The following CEP57 variants were observed in gnomAD, a reference collection of about 807,000 sequenced individuals.
CEP57 encodes centrosomal protein 57, also known as centrosomal protein of 57 kDa.
In CEP57, 40 loss-of-function variants were observed where a neutral mutation model predicts 68.0. The observed-to-expected ratio is 0.59, with a 90% CI of 0.46 to 0.77. The LOEUF is 0.77. CEP57 is among the 30% of genes least tolerant of loss of function. The probability of loss-of-function intolerance (pLI) is 0.00; values close to 1 mark genes in which losing one functional copy is unlikely to be tolerated. For synonymous variants in CEP57, 219 were observed against 198.7 expected, an observed-to-expected ratio of 1.10 and a Z score of -0.86; for missense variants, 606 against 580.7, an observed-to-expected ratio of 1.04 and a Z score of -0.45.
chr11:95,806,931 C>T (rs1861829115), intron 2 of CEP57, among the ~76,000 whole-genome samples: 1 of 152,196 alleles, frequency 6.6e-6, no homozygotes, highest in Non-Finnish European at 1.5e-5. Flanking sequence ...TCAAGTGGAT[C>T]CCTGACCCCC....
intron 1 of CEP57, among the ~76,000 whole-genome samples, chr11:95,796,096 A>AT (rs771152707): frequency 1.4e-4 from 21 of 152,182 alleles, no homozygotes; most frequent in Non-Finnish European, 2.6e-4. Context: ...ACTGTTTTGT[A>AT]TTTGAGTTTT....
chr11:95,831,332 T>C lies in CEP57; in HGVS notation c.*76T>C. The C allele has an allele frequency of 7.7e-6, 8 of 1,037,970 alleles. No individual in the cohort carries two copies. The highest frequency in any genetic ancestry group is 1.0e-5 in the Non-Finnish European group (7 of 675,574). 64.3% of individuals were successfully genotyped at this position (1,037,970 alleles called of 1,614,324 possible). A position where few individuals can be genotyped will look rare whatever the true frequency, so the allele number is the denominator to read the frequency against. On this transcript the variant is annotated 3_prime_UTR_variant, in exon 11 of 11. Transcript: ENST00000325542. ...AGATGATGACAATTTACTTCCCAGG[T>C]CTCATACTCACTTATGTTGGAATTA...
chr11:95,801,482 A>G (rs1861578340), intron 2 of CEP57, among the ~76,000 whole-genome samples: 1 of 149,692 alleles, frequency 6.7e-6, no homozygotes, highest in Non-Finnish European at 1.5e-5. Flanking sequence ...ACTGAAGCCC[A>G]CAGTAGAGCA....
chr11:95,797,557 C>T (rs1861401416), intron 1 of CEP57, among the ~76,000 whole-genome samples: 1 of 152,108 alleles, frequency 6.6e-6, no homozygotes, highest in Admixed American at 6.5e-5. Context: ...ACCTAGGTGC[C>T]CTACCTTGAG....
chr11:95,821,869 A>G lies in CEP57; in HGVS notation c.700-2A>G. The G allele has an allele frequency of 6.3e-7, 1 of 1,593,874 alleles. No homozygotes were observed. ...TTAACTTGAGGCTCTCATTTTTCCT[A>G]GTTGCAGACTGGTCTAGAAACAAAT... On this transcript the variant is annotated splice_acceptor_variant, in intron 6 of 10. Transcript: ENST00000325542. LOFTEE classifies it high-confidence loss of function.
At chr11:95,826,802 G>T (rs1862764525) in intron 8 of CEP57, 1 of 152,116 alleles carries the variant, frequency 6.6e-6, no homozygotes. Context: ...GCAAAATAGT[G>T]GTTACATCGA....
chr11:95,830,761 G>A (rs1862965323), intron 10 of CEP57, among the ~76,000 whole-genome samples: 1 of 151,592 alleles, frequency 6.6e-6, no homozygotes, highest in African/African-American at 2.4e-5. Context: ...CTTAATTTAG[G>A]ACAACCAGAA....
At chr11:95,796,826 C>T (rs1021032546) in intron 1 of CEP57, among the ~76,000 whole-genome samples, 1 of 152,170 alleles carries the variant, frequency 6.6e-6, no homozygotes, top group African/African-American at 2.4e-5. Flanking sequence ...CTGCAGCTTT[C>T]CAAGAACGGC....
chr11:95,829,380 A>C lies in CEP57; in HGVS notation c.1272+49A>C, dbSNP rs771750893. On this transcript the variant is annotated intron_variant, in intron 10 of 10. Coordinates refer to ENST00000325542, the MANE Select transcript of CEP57 (RefSeq NM_014679.5). ...AGTTTCTAATGATTAAGAAAAAAAAAACACTTTAATTCAAATATTAAATGA... is the reference window on the plus strand; with the variant it reads ...AGTTTCTAATGATTAAGAAAAAAAACACACTTTAATTCAAATATTAAATGA... The C allele has an allele frequency of 3.8e-6, 6 of 1,564,276 alleles. No individual in the cohort carries two copies. In the South Asian group the frequency reaches 6.7e-5, roughly 17 times the overall value.
At chr11:95,813,303 GTTTGAC>G (rs1359030574) in intron 3 of CEP57, among the ~76,000 whole-genome samples, 159 bp from the exon 4 acceptor site, 4 of 152,354 alleles carry the variant, frequency 2.6e-5, no homozygotes, top group Admixed American at 2.6e-4. Flanking sequence ...TGCAAGGCCA[GTTTGAC>G]TAGCACGTAG....
intron 2 of CEP57, among the ~76,000 whole-genome samples, chr11:95,800,015 G>A (rs980824871): frequency 6.6e-6 from 1 of 152,088 alleles, no homozygotes; most frequent in African/African-American, 2.4e-5. Flanking sequence ...CCTGGAACCT[G>A]CCATCTGTAT....
intron 4 of CEP57, among the ~76,000 whole-genome samples, chr11:95,816,884 G>A (rs1328879901): frequency 6.6e-6 from 1 of 151,750 alleles, no homozygotes; most frequent in Non-Finnish European, 1.5e-5. Flanking sequence ...GGTGGCAGGC[G>A]CCTATAATCC....
At chr11:95,826,556 A>G (rs1007187079) in intron 8 of CEP57, 7 of 152,118 alleles carry the variant, frequency 4.6e-5, no homozygotes, top group African/African-American at 1.7e-4. Flanking sequence ...ACATTTACCT[A>G]TATAACAAAC....
chr11:95,813,630 A>G (rs1037428449), intron 4 of CEP57, 41 bp downstream of exon 4: 1 of 1,609,208 alleles, frequency 6.2e-7, no homozygotes, highest in African/African-American at 1.3e-5. Flanking sequence ...AAGAACAGTT[A>G]TGGGGAAAAC....
At chr11:95,808,681 C>T (rs1261582094) in intron 2 of CEP57, among the ~76,000 whole-genome samples, 2 of 152,198 alleles carry the variant, frequency 1.3e-5, no homozygotes, top group Non-Finnish European at 2.9e-5. Context: ...GCGCCCAATA[C>T]AGGAGCACCC....
In CEP57 at chr11:95,825,191, C is replaced by T. The variant is rs1179299665; in HGVS notation, c.886-2595C>T. 2.6e-5 allele frequency among the ~76,000 whole-genome samples: 4 copies of T among 152,226 alleles called. No homozygotes were observed. In the East Asian group the frequency reaches 7.7e-4, roughly 29 times the overall value. The stretch of plus-strand genomic sequence containing the variant: ...CTGTGGAAGAGAACTTCAGAGAGAA[C>T]ATTATGAGGGTCTGGAAGGATTACA... On this transcript the variant is annotated intron_variant, in intron 8 of 10. Coordinates refer to ENST00000325542, the MANE Select transcript of CEP57 (RefSeq NM_014679.5).
At chr11:95,820,463 T>G (rs1862471650) in intron 6 of CEP57, among the ~76,000 whole-genome samples, 1 of 151,614 alleles carries the variant, frequency 6.6e-6, no homozygotes, top group African/African-American at 2.4e-5. Context: ...TGGTGGTGCA[T>G]GCCTGTAATC....
In CEP57 at chr11:95,806,450, G is replaced by A. The variant is rs117353923; in HGVS notation, c.203-6482G>A. On this transcript the variant is annotated intron_variant, in intron 2 of 10. Transcript: ENST00000325542. Reference sequence around the variant, plus strand: ...TTGTCTCACCCGGGAAGCGCAAGGGGTTGGGCCATTCCCTTTCCTAGCCAA... The same window carrying A: ...TTGTCTCACCCGGGAAGCGCAAGGGATTGGGCCATTCCCTTTCCTAGCCAA... Among the ~76,000 whole-genome samples the A allele has an allele frequency of 7.2e-4, 109 of 152,324 alleles. 1 individual carries two copies. The East Asian group carries it at 0.021, about 29-fold the overall frequency.
chr11:95,808,555 G>A (rs927157629), intron 2 of CEP57, among the ~76,000 whole-genome samples: 3 of 152,122 alleles, frequency 2.0e-5, no homozygotes, highest in Non-Finnish European at 4.4e-5. Context: ...ACAAAAAAAG[G>A]CAGGGGTTGC....
Sources: gnomAD v4.1 joint callset for allele counts (sites outside exome capture counted in the v4.1 genomes callset) on GRCh38, gnomAD v4.1.1 for gene constraint, MANE v1.5 for transcripts, NCBI Gene and HGNC (gene_info 2026-07-23, HGNC 2026-07-21) for gene names.